CDC42EP3: variants seen among roughly 807,000 people sequenced by gnomAD.
CDC42EP3 encodes the protein CDC42 effector protein (Rho GTPase binding) 3.
In CDC42EP3, 4 loss-of-function variants were observed where a neutral mutation model predicts 15.5. The ratio of observed to expected loss-of-function variants is 0.26; its 90% confidence interval spans 0.13 to 0.59. The LOEUF is 0.59. CDC42EP3 is among the 20% of genes least tolerant of loss of function. The pLI is 0.89. For missense variants in CDC42EP3, 309 were observed against 311.2 expected, an observed-to-expected ratio of 0.99 and a Z score of 0.05; for synonymous variants, 145 against 130.3, an observed-to-expected ratio of 1.11 and a Z score of -0.77.
intron 1 of CDC42EP3, among the ~76,000 whole-genome samples, chr2:37,658,814 AT>A (rs901025404): frequency 1.8e-4 from 27 of 152,172 alleles, no homozygotes; most frequent in African/African-American, 5.5e-4. Flanking sequence ...GCACAAGGAC[AT>A]TTGCCTTTCA....
chr2:37,654,680 A>G (rs1429660409), intron 1 of CDC42EP3, among the ~76,000 whole-genome samples: 1 of 152,208 alleles, frequency 6.6e-6, no homozygotes. Flanking sequence ...TGGGAACACG[A>G]TCACTGCCAA....
chr2:37,642,232 T>A lies in CDC42EP3; in HGVS notation c.*3591A>T, dbSNP rs1665291045. 1 of 152,210 alleles carries A rather than the reference T, an allele frequency of 6.6e-6. No homozygotes were observed. The highest frequency in any genetic ancestry group is 6.5e-5 in the Admixed American group (1 of 15,280). 9.4% of individuals were successfully genotyped at this position (152,210 alleles called of 1,614,324 possible). ...ATAAATCAACCAAAAGACCATCTCC[T>A]CCTTTAGGAAATACATGTATTGCTT... On this transcript the variant is annotated 3_prime_UTR_variant, in exon 2 of 2. Transcript: ENST00000295324.
rs1327892383 is a variant in CDC42EP3 at position 37,644,528 on chromosome 2, G to A, written c.*1295C>T. 1 of 151,798 alleles carries A rather than the reference G, an allele frequency of 6.6e-6. No individual in the cohort carries two copies. Among genetic ancestry groups the A allele is most frequent in the Non-Finnish European group, 1.5e-5 (1 of 67,974 alleles). 9.4% of individuals were successfully genotyped at this position (151,798 alleles called of 1,614,324 possible). On this transcript the variant is annotated 3_prime_UTR_variant, in exon 2 of 2. Transcript: ENST00000295324. ...CGTGAAAAGACATTTGCCTTACAGG[G>A]ATGAAACTGGACTTGCAAGAGTTTG...
chr2:37,654,767 C>A (rs1392700735), intron 1 of CDC42EP3, among the ~76,000 whole-genome samples: 1 of 152,214 alleles, frequency 6.6e-6, no homozygotes, highest in Non-Finnish European at 1.5e-5. Flanking sequence ...TCTCTTTGAA[C>A]ACGGCAGTCT....
chr2:37,662,055 C>T (rs901861988), intron 1 of CDC42EP3, among the ~76,000 whole-genome samples: 28 of 151,024 alleles, frequency 1.9e-4, no homozygotes, highest in African/African-American at 6.1e-4. Flanking sequence ...TTTGCAGAAA[C>T]ATCTAGCGTC....
At chr2:37,666,113 G>A (rs1333457299) in intron 1 of CDC42EP3, among the ~76,000 whole-genome samples, 2 of 152,054 alleles carry the variant, frequency 1.3e-5, no homozygotes, top group African/African-American at 2.4e-5. Flanking sequence ...TTCCTGTAAC[G>A]CCTGTGGTTC....
At chr2:37,650,965 GCA>G (rs1437870240) in intron 1 of CDC42EP3, among the ~76,000 whole-genome samples, 1 of 152,178 alleles carries the variant, frequency 6.6e-6, no homozygotes, top group Non-Finnish European at 1.5e-5. Flanking sequence ...GTTCAAACCA[GCA>G]CAGTTTATAA....
intron 1 of CDC42EP3, among the ~76,000 whole-genome samples, chr2:37,666,356 G>T (rs1666249684): frequency 6.6e-6 from 1 of 152,258 alleles, no homozygotes; most frequent in East Asian, 1.9e-4. Flanking sequence ...ATCAAACTGG[G>T]GTCCCACAGA....
chr2:37,662,152 G>A (rs190249236), intron 1 of CDC42EP3, among the ~76,000 whole-genome samples: 42 of 152,156 alleles, frequency 2.8e-4, no homozygotes, highest in Non-Finnish European at 4.6e-4. Context: ...TTTTACCAGC[G>A]AATACAATTT....
chr2:37,662,883 A>C (rs1276194623), intron 1 of CDC42EP3, among the ~76,000 whole-genome samples: 1 of 152,182 alleles, frequency 6.6e-6, no homozygotes, highest in Non-Finnish European at 1.5e-5. Flanking sequence ...AGCCTTTCAC[A>C]GTCAGGTGCG....
At chr2:37,657,693 C>A (rs146793464) in intron 1 of CDC42EP3, among the ~76,000 whole-genome samples, 1 of 152,188 alleles carries the variant, frequency 6.6e-6, no homozygotes, top group Non-Finnish European at 1.5e-5. Context: ...ACACCTATGC[C>A]TATTCATTTA....
intron 1 of CDC42EP3, among the ~76,000 whole-genome samples, chr2:37,649,073 A>C (rs1665576445): frequency 7.0e-6 from 1 of 143,036 alleles, no homozygotes. Flanking sequence ...GGTTCCAATT[A>C]TTTAAAAAAA....
At chr2:37,650,325 C>A (rs930773358) in intron 1 of CDC42EP3, among the ~76,000 whole-genome samples, 4 of 152,188 alleles carry the variant, frequency 2.6e-5, no homozygotes. Flanking sequence ...CCTTCTGCTT[C>A]CTGGGCTCAC....
rs1310886976 is a variant in CDC42EP3 at position 37,645,789 on chromosome 2, C to A, written c.*34G>T. ...CAACTGTGGTTAGTTTGTTTTTGTA[C>A]CTTTTACCCCAAAGGAAAAAAGTTG... On this transcript the variant is annotated 3_prime_UTR_variant, in exon 2 of 2. Transcript: ENST00000295324. 8.7e-6 allele frequency: 13 copies of A among 1,496,558 alleles called. No homozygotes were observed. The African/African-American group carries it at 9.8e-5, about 11-fold the overall frequency. The allele number at this position is 1,496,558 out of a possible 1,614,324, so 92.7% of individuals were successfully genotyped here.
intron 1 of CDC42EP3, among the ~76,000 whole-genome samples, chr2:37,649,076 TAAAA>T (rs112109458): frequency 7.4e-6 from 1 of 135,902 alleles, no homozygotes; most frequent in African/African-American, 2.7e-5. Flanking sequence ...TCCAATTATT[TAAAA>T]AAAAAAAAAA....
At chr2:37,658,550 C>T (rs777804083) in intron 1 of CDC42EP3, among the ~76,000 whole-genome samples, 4 of 152,164 alleles carry the variant, frequency 2.6e-5, no homozygotes, top group Non-Finnish European at 5.9e-5. Context: ...CCATATAATA[C>T]TCATAAACCT....
chr2:37,671,250 C>G (rs1200543493), intron 1 of CDC42EP3, among the ~76,000 whole-genome samples, 176 bp downstream of exon 1: 5 of 152,244 alleles, frequency 3.3e-5, no homozygotes, highest in African/African-American at 1.2e-4. Flanking sequence ...TCCTGGCTTG[C>G]TTTATGTCCC....
chr2:37,656,555 G>A (rs112837080), intron 1 of CDC42EP3, among the ~76,000 whole-genome samples: 2,341 of 152,336 alleles, frequency 0.015, 29 homozygotes, highest in Non-Finnish European at 0.024. Context: ...GCTAGCATGA[G>A]TGCTTTCTGT....
At chr2:37,670,294 A>C (rs1034990864) in intron 1 of CDC42EP3, among the ~76,000 whole-genome samples, 3 of 152,104 alleles carry the variant, frequency 2.0e-5, no homozygotes, top group Non-Finnish European at 4.4e-5. Context: ...AAACTCTTGG[A>C]TATTGTGAGA....
Sources: gnomAD v4.1 joint callset for allele counts (sites outside exome capture counted in the v4.1 genomes callset) on GRCh38, gnomAD v4.1.1 for gene constraint, MANE v1.5 for transcripts, NCBI Gene and HGNC (gene_info 2026-07-23, HGNC 2026-07-21) for gene names.